The following HUNK variants were observed in gnomAD, a reference collection of about 807,000 sequenced individuals.
HUNK encodes hormonally up-regulated neu tumor-associated kinase.
In HUNK, 21 loss-of-function variants were observed where a neutral mutation model predicts 61.0. The ratio of observed to expected loss-of-function variants is 0.34; its 90% CI spans 0.24 to 0.50. The LOEUF is 0.50. HUNK is among the 20% of genes least tolerant of loss of function. HUNK has a pLI of 0.98. For synonymous variants in HUNK, 371 were observed against 386.1 expected (o/e 0.96, Z 0.46); for missense variants, 772 against 945.7 (o/e 0.82, Z 2.41).
rs184057640 is a variant in HUNK, at chr21:31,882,192, G to T, written c.261+8257G>T. On this transcript the variant is annotated intron_variant, in intron 1 of 10. Coordinates refer to ENST00000270112, the MANE Select transcript of HUNK (RefSeq NM_014586.2). The stretch of plus-strand genomic sequence containing the variant: ...GACAAAAAAAACTACTCAGGGTAGA[G>T]CCATCTGTTAACATCCTCTTAGCAC... Among the ~76,000 whole-genome samples, 174 of 152,276 alleles carry T rather than the reference G, an allele frequency of 1.1e-3. 1 individual carries two copies. Among genetic ancestry groups the T allele is most frequent in the Admixed American group, 3.3e-3 (50 of 15,296 alleles).
chr21:31,989,217 C>G (rs2053154630), intron 8 of HUNK, among the ~76,000 whole-genome samples: 1 of 152,160 alleles, frequency 6.6e-6, no homozygotes, highest in Non-Finnish European at 1.5e-5. Context: ...AAGATTCTCT[C>G]TCCAAATAAG....
chr21:31,944,358 C>T (rs1475439016), intron 3 of HUNK, among the ~76,000 whole-genome samples: 1 of 152,232 alleles, frequency 6.6e-6, no homozygotes, highest in Non-Finnish European at 1.5e-5. Context: ...GGATTACAGG[C>T]ATGGGCCACT....
intron 1 of HUNK, among the ~76,000 whole-genome samples, chr21:31,916,276 T>C (rs1159758190): frequency 6.6e-6 from 1 of 152,004 alleles, no homozygotes; most frequent in African/African-American, 2.4e-5. Flanking sequence ...GGTCTCGATC[T>C]GCTGGCCTCG....
At chr21:31,879,831 C>T (rs577728620) in intron 1 of HUNK, among the ~76,000 whole-genome samples, 7 of 152,302 alleles carry the variant, frequency 4.6e-5, no homozygotes, top group Non-Finnish European at 7.3e-5. Context: ...GACATATATT[C>T]CCTCTGTCGA....
In HUNK at chr21:31,873,192, C is replaced by A. The variant is rs1170367091; in HGVS notation, c.-483C>A. ...CTCTCCGGCGGGAGCGGCCGCCCAG[C>A]GCACGGCTAGGAGCGATCGCGGGAG... On this transcript the variant is annotated 5_prime_UTR_variant, in exon 1 of 11. Coordinates refer to ENST00000270112, the MANE Select transcript of HUNK (RefSeq NM_014586.2). This position sits in a 1 kb window ranked among gnomAD's most constrained non-coding sequence, Gnocchi z 6.1. 1 of 152,116 alleles carries A rather than the reference C, an allele frequency of 6.6e-6. No homozygotes were observed. Among genetic ancestry groups the A allele is most frequent in the African/African-American group, 2.4e-5 (1 of 41,450 alleles). 9.4% of individuals were successfully genotyped at this position (152,116 alleles called of 1,614,324 possible).
intron 7 of HUNK, among the ~76,000 whole-genome samples, chr21:31,980,562 C>G (rs141882122): frequency 6.6e-5 from 10 of 151,718 alleles, no homozygotes; most frequent in African/African-American, 1.9e-4. Context: ...TGTCACGTGG[C>G]TAATTTTTGT....
intron 4 of HUNK, among the ~76,000 whole-genome samples, chr21:31,953,794 A>AT (rs891080115): frequency 1.8e-4 from 27 of 150,338 alleles, no homozygotes; most frequent in African/African-American, 2.7e-4. Context: ...ATTTGTGACA[A>AT]TTTTTTTTTT....
chr21:31,879,266 T>G (rs1333878456), intron 1 of HUNK, among the ~76,000 whole-genome samples: 1 of 152,230 alleles, frequency 6.6e-6, no homozygotes, highest in Non-Finnish European at 1.5e-5. Flanking sequence ...CTTAGAGAAC[T>G]GGAAATTCCT....
chr21:31,960,955 A>G (rs2052923758), intron 5 of HUNK, among the ~76,000 whole-genome samples: 1 of 152,198 alleles, frequency 6.6e-6, no homozygotes, highest in African/African-American at 2.4e-5. Flanking sequence ...CACAAGTTTT[A>G]TGTACAATCT....
chr21:31,994,138 A>T (rs1413362134), intron 9 of HUNK, among the ~76,000 whole-genome samples: 2 of 152,238 alleles, frequency 1.3e-5, no homozygotes, highest in Non-Finnish European at 2.9e-5. Flanking sequence ...GGCACCCTGC[A>T]TATTCTCAAA....
chr21:31,929,038 TTG>T (rs148516318), intron 2 of HUNK, among the ~76,000 whole-genome samples: 23 of 150,694 alleles, frequency 1.5e-4, no homozygotes, highest in Non-Finnish European at 2.1e-4. Context: ...GGGCTTTTGG[TTG>T]TGTGTGTGTG....
rs1568932899 is a variant in HUNK, at chr21:31,951,209, A to ATAT, written c.746+5038_746+5039insTAT. 2.0e-5 allele frequency among the ~76,000 whole-genome samples: 3 copies of ATAT among 148,566 alleles called. No homozygotes were observed. The South Asian group carries it at 6.4e-4, about 32-fold the overall frequency. ...ATGTATAAATATATATATATATATA[A>ATAT]AAATAACATATAGATGTGTGTGTCT... On this transcript the variant is annotated intron_variant, in intron 4 of 10. Coordinates refer to ENST00000270112, the MANE Select transcript of HUNK (RefSeq NM_014586.2).
intron 1 of HUNK, 76 bp downstream of exon 1, chr21:31,874,011 A>G (rs898768964): frequency 8.4e-7 from 1 of 1,185,054 alleles, no homozygotes; most frequent in Non-Finnish European, 1.1e-6. Context: ...GGAGCACTGC[A>G]CTGGGAGTCC....
At position 31,999,248 on chromosome 21, in the gene HUNK, G is replaced by T. The variant is rs1270024931; in HGVS notation, c.*64G>T. ...CAACTGAACAGAGCTCCACACATCT[G>T]TCAGGGTGTGAGCACTCCAAGGCCT... On this transcript the variant is annotated 3_prime_UTR_variant, in exon 11 of 11. Coordinates refer to ENST00000270112, the MANE Select transcript of HUNK (RefSeq NM_014586.2). The T allele has an allele frequency of 2.8e-6, 4 of 1,427,852 alleles. No individual in the cohort carries two copies. Among genetic ancestry groups the T allele is most frequent in the Non-Finnish European group, 3.8e-6 (4 of 1,046,378 alleles). 88.4% of individuals were successfully genotyped at this position (1,427,852 alleles called of 1,614,324 possible).
chr21:31,888,328 G>A (rs1192518261), intron 1 of HUNK, among the ~76,000 whole-genome samples: 1 of 152,180 alleles, frequency 6.6e-6, no homozygotes, highest in Non-Finnish European at 1.5e-5. Flanking sequence ...GCTTTTGTTG[G>A]TAATAATAAT....
intron 3 of HUNK, among the ~76,000 whole-genome samples, chr21:31,944,370 TC>T (rs1179959672): frequency 1.3e-5 from 2 of 152,232 alleles, no homozygotes; most frequent in Non-Finnish European, 2.9e-5. Context: ...TGGGCCACTG[TC>T]CCCGGCAGAT....
rs377150590 is a variant in HUNK at position 31,995,942 on chromosome 21, G to A, written c.1480G>A (p.Asp494Asn). Residue 494 changes from aspartate (D) to asparagine (N), a missense_variant, in exon 10 of 11, where the codon GAC becomes AAC. Asp to Asn is a conservative substitution (Grantham distance 23). Coordinates refer to ENST00000270112, the MANE Select transcript of HUNK (RefSeq NM_014586.2). ...DRKASKSSFPDKDSFGCRNIF... is the reference protein window; with the variant it reads ...DRKASKSSFPNKDSFGCRNIF... ...GAAGGCCTCCAAGTCCAGCTTCCCCGACAAAGGTGGGTCAGCTCTGGGGAC... is the reference window on the plus strand; with the variant it reads ...GAAGGCCTCCAAGTCCAGCTTCCCCAACAAAGGTGGGTCAGCTCTGGGGAC... 1.7e-5 allele frequency: 28 copies of A among 1,612,414 alleles called. No homozygotes were observed. The highest frequency in any genetic ancestry group is 4.4e-5 in the South Asian group (4 of 90,920).
In HUNK at chr21:31,873,096, C is replaced by T. The variant is rs924653783; in HGVS notation, c.-579C>T. ...CGCCGCCCGCGAGCGGATTAAATTT[C>T]TGCAAATTCAAACTGAATGGGGCTT... On this transcript the variant is annotated 5_prime_UTR_variant, in exon 1 of 11. Transcript: ENST00000270112. The surrounding 1 kb of genome is among the most constrained non-coding windows in gnomAD (Gnocchi z 6.1). 2.6e-5 allele frequency among the ~76,000 whole-genome samples: 4 copies of T among 152,128 alleles called. No homozygotes were observed. Among genetic ancestry groups the T allele is most frequent in the Admixed American group, 2.6e-4 (4 of 15,284 alleles).
intron 1 of HUNK, among the ~76,000 whole-genome samples, chr21:31,916,574 T>A (rs1450786011): frequency 6.6e-6 from 1 of 152,140 alleles, no homozygotes; most frequent in Non-Finnish European, 1.5e-5. Context: ...TCCACACACA[T>A]GGCCTCTTCC....
Sources: gnomAD v4.1 joint callset for allele counts (sites outside exome capture counted in the v4.1 genomes callset) on GRCh38, gnomAD v4.1.1 for gene constraint, Gnocchi (gnomAD v3.1) non-coding constraint, MANE v1.5 for transcripts, NCBI Gene and HGNC (gene_info 2026-07-23, HGNC 2026-07-21) for gene names.